CSMD2: variants seen among roughly 807,000 people sequenced by gnomAD.
CSMD2 encodes CUB and sushi domain-containing protein 2.
In CSMD2, 130 loss-of-function variants were observed where a neutral mutation model predicts 398.5. That is an observed-to-expected ratio of 0.33 (90% CI 0.28 to 0.38). The LOEUF (loss-of-function observed/expected upper bound fraction) is 0.38, where lower values mean the gene tolerates loss of function less well. CSMD2 is among the 10% of genes least tolerant of loss of function. CSMD2 has a pLI of 1.00. For missense variants in CSMD2, 3,829 were observed against 4,764.9 expected (o/e 0.80, Z 5.78); for synonymous variants, 1,828 against 1,908.5 (o/e 0.96, Z 1.10).
chr1:33,601,679 C>A (rs1283129479), intron 43 of CSMD2, among the ~76,000 whole-genome samples: 1 of 152,200 alleles, frequency 6.6e-6, no homozygotes, highest in East Asian at 1.9e-4. Flanking sequence ...AAGAAACTGT[C>A]CAGGAAACTG....
At chr1:33,855,946 C>T (rs1414357200) in intron 5 of CSMD2, among the ~76,000 whole-genome samples, 1 of 152,218 alleles carries the variant, frequency 6.6e-6, no homozygotes, top group Non-Finnish European at 1.5e-5. Flanking sequence ...GGTTAAGGGC[C>T]AGGCCTTCGG....
At position 33,772,635 on chromosome 1, in the gene CSMD2, C is replaced by T. The variant is rs1318357608; in HGVS notation, c.1780G>A (p.Val594Met). 7 of 1,614,162 alleles carry T rather than the reference C, an allele frequency of 4.3e-6. No homozygotes were observed. Among genetic ancestry groups the T allele is most frequent in the East Asian group, 2.2e-5 (1 of 44,880 alleles). Reference protein sequence around the residue: ...KFECQPAFELVGQKAITCQKN... With the variant: ...KFECQPAFELMGQKAITCQKN... ...TGGCATGTGATTGCCTTCTGTCCCA[C>T]CAGCTCAAAGGCGGGCTGGCACTCA... The change falls in exon 13 of 71, where the codon GTG becomes ATG. Residue 594 changes from valine (V) to methionine (M), a missense_variant. By Grantham distance (21) the Val-to-Met change is conservative. Transcript: ENST00000373381.
intron 10 of CSMD2, chr1:33,804,995 GCA>G: frequency 2.9e-6 from 2 of 679,566 alleles, no homozygotes; most frequent in Middle Eastern, 5.0e-4. Flanking sequence ...ACACTGCTCT[GCA>G]CACTCTAAGC....
At position 33,820,480 on chromosome 1, in the gene CSMD2, G is replaced by T; in HGVS notation, c.1188C>A (p.Gly396=). Residue 396 remains glycine (G), a synonymous_variant, in exon 8 of 71, where the codon GGC becomes GGA. Coordinates refer to ENST00000373381, the MANE Select transcript of CSMD2 (RefSeq NM_001281956.2). ...CAAATAGATCTTACCTGAAATCCGA[G>T]CCTAGTCTTTTGCCCCTTTCGGGTA... The part of the protein sequence containing the change: ...PGIPERGKRL[G]SDFRLGSSVQ... 1 of 1,602,550 alleles carries T rather than the reference G, an allele frequency of 6.2e-7. No individual in the cohort carries two copies. The highest frequency in any genetic ancestry group is 8.5e-7 in the Non-Finnish European group (1 of 1,173,874).
intron 3 of CSMD2, among the ~76,000 whole-genome samples, chr1:34,014,982 GA>G (rs1211891376): frequency 1.3e-5 from 2 of 152,308 alleles, no homozygotes; most frequent in African/African-American, 4.8e-5. Flanking sequence ...GCACAGGAAA[GA>G]AAATATGTAT....
intron 44 of CSMD2, chr1:33,592,324 G>C: frequency 1.4e-6 from 1 of 712,930 alleles, no homozygotes; most frequent in South Asian, 1.5e-5. Context: ...ATGGGTCCAG[G>C]CAAAAGTAGA....
chr1:33,707,693 G>A lies in CSMD2; in HGVS notation c.3576+1396C>T, dbSNP rs546539. On this transcript the variant is annotated intron_variant, in intron 22 of 70. Coordinates refer to ENST00000373381, the MANE Select transcript of CSMD2 (RefSeq NM_001281956.2). ...CACGCACGCGTGCACACGCGCGCGC[G>A]CGCACACACACACACACACACACAC... 5.8e-3 allele frequency among the ~76,000 whole-genome samples: 272 copies of A among 46,902 alleles called. 1 individual carries two copies. The highest frequency in any genetic ancestry group is 0.012 in the African/African-American group (192 of 16,434). 30.8% of individuals were successfully genotyped at this position (46,902 alleles called of 152,430 possible). A position where few individuals can be genotyped will look rare whatever the true frequency, so the allele number is the denominator to read the frequency against.
intron 25 of CSMD2, among the ~76,000 whole-genome samples, chr1:33,680,056 G>A (rs970455722): frequency 2.0e-5 from 3 of 151,618 alleles, no homozygotes; most frequent in African/African-American, 4.8e-5. Flanking sequence ...GAGTAGCTGG[G>A]GCTACAGGTG....
At chr1:33,812,004 G>A (rs1656919944) in intron 9 of CSMD2, among the ~76,000 whole-genome samples, 1 of 152,152 alleles carries the variant, frequency 6.6e-6, no homozygotes, top group Non-Finnish European at 1.5e-5. Context: ...GCCATGTGTG[G>A]AAAGGGCCAT....
chr1:33,604,506 T>TAG (rs1371663481), intron 42 of CSMD2, among the ~76,000 whole-genome samples: 1 of 152,100 alleles, frequency 6.6e-6, no homozygotes, highest in Non-Finnish European at 1.5e-5. Flanking sequence ...ACCTGAAGCT[T>TAG]AGAGAGGCAA....
intron 64 of CSMD2, among the ~76,000 whole-genome samples, chr1:33,530,428 ATAAGAT>A (rs988230116): frequency 1.3e-5 from 2 of 152,232 alleles, no homozygotes; most frequent in African/African-American, 4.8e-5. Flanking sequence ...ACTATTATAA[ATAAGAT>A]TAAAGATAAC....
At chr1:33,619,728 T>G (rs984216099) in intron 37 of CSMD2, among the ~76,000 whole-genome samples, 2 of 152,160 alleles carry the variant, frequency 1.3e-5, no homozygotes, top group African/African-American at 4.8e-5. Flanking sequence ...ACATGTGCTT[T>G]TAAGATATGA....
At chr1:33,974,241 A>T (rs544234) in intron 3 of CSMD2, among the ~76,000 whole-genome samples, 7 of 152,206 alleles carry the variant, frequency 4.6e-5, no homozygotes, top group Admixed American at 1.3e-4. Flanking sequence ...CAGGTGTTGG[A>T]GACTGCTTTA....
At chr1:33,697,794 T>C (rs1044918165) in intron 24 of CSMD2, among the ~76,000 whole-genome samples, 1 of 152,280 alleles carries the variant, frequency 6.6e-6, no homozygotes, top group Non-Finnish European at 1.5e-5. Flanking sequence ...TGCTGGAGTA[T>C]GGGCCCTGAC....
intron 29 of CSMD2, among the ~76,000 whole-genome samples, chr1:33,644,439 C>A (rs1643299733): frequency 6.6e-6 from 1 of 152,122 alleles, no homozygotes; most frequent in Admixed American, 6.5e-5. Flanking sequence ...ATTTTGGAAT[C>A]TCTGCCAAGA....
At chr1:33,864,100 G>A (rs972984362) in intron 5 of CSMD2, 8 of 1,283,292 alleles carry the variant, frequency 6.2e-6, no homozygotes, top group Non-Finnish European at 8.6e-6. Context: ...TTCGCTGCAA[G>A]TACAGCACTT....
intron 1 of CSMD2, among the ~76,000 whole-genome samples, chr1:34,105,108 A>G (rs1660402125): frequency 1.3e-5 from 2 of 152,340 alleles, no homozygotes; most frequent in South Asian, 4.1e-4. Context: ...ATTATCACAG[A>G]TGTTTTTAAT....
chr1:33,768,154 G>C (rs1029424454), intron 13 of CSMD2, among the ~76,000 whole-genome samples: 1 of 152,130 alleles, frequency 6.6e-6, no homozygotes, highest in African/African-American at 2.4e-5. Flanking sequence ...CCTTCCCACT[G>C]TCATAATGCT....
At chr1:33,855,942 G>T (rs756419958) in intron 5 of CSMD2, among the ~76,000 whole-genome samples, 10 of 152,216 alleles carry the variant, frequency 6.6e-5, no homozygotes, top group Non-Finnish European at 1.5e-4. Context: ...TAAGGGTTAA[G>T]GGCCAGGCCT....
Sources: gnomAD v4.1 joint callset for allele counts (sites outside exome capture counted in the v4.1 genomes callset) on GRCh38, gnomAD v4.1.1 for gene constraint, MANE v1.5 for transcripts, NCBI Gene and HGNC (gene_info 2026-07-23, HGNC 2026-07-21) for gene names.